HECW2: variants seen among roughly 807,000 people sequenced by gnomAD.
HECW2 encodes E3 ubiquitin-protein ligase HECW2.
In HECW2, 61 loss-of-function variants were observed where a neutral mutation model predicts 175.2. The observed-to-expected ratio is 0.35, with a 90% CI of 0.28 to 0.43. HECW2 has a LOEUF of 0.43. Among genes scored for constraint, HECW2 ranks in the 20% least tolerant of loss-of-function variants. The pLI is 1.00. For synonymous variants in HECW2, 671 were observed against 731.0 expected (o/e 0.92, Z 1.32); for missense variants, 1,524 against 2,000.5 (o/e 0.76, Z 4.54).
chr2:196,455,311 C>T (rs142602963), intron 1 of HECW2, among the ~76,000 whole-genome samples: 1,820 of 152,308 alleles, frequency 0.012, 40 homozygotes, highest in African/African-American at 0.041. Context: ...GGATTACAGG[C>T]GTAGGCCACA....
In HECW2 at chr2:196,300,356, A is replaced by T. The variant is rs114518344; in HGVS notation, c.2814+6132T>A. Among the ~76,000 whole-genome samples the T allele has an allele frequency of 5.1e-3, 772 of 152,376 alleles. 6 individuals are homozygous for T. The highest frequency in any genetic ancestry group is 0.018 in the African/African-American group (732 of 41,594). On this transcript the variant is annotated intron_variant, in intron 13 of 28. Transcript: ENST00000644978. ...TTTCTTTACTTAAGGTCCAGACTTA[A>T]GAAATTAATGGAGAAAATTAGAATG... is the stretch of plus-strand genomic sequence containing the variant.
At chr2:196,281,564 T>G (rs1215048288) in intron 14 of HECW2, among the ~76,000 whole-genome samples, 1 of 124,830 alleles carries the variant, frequency 8.0e-6, no homozygotes, top group African/African-American at 3.0e-5. Context: ...CATTTGAGCC[T>G]GGGAGGTGGT....
chr2:196,209,231 T>C (rs539380122), intron 28 of HECW2, among the ~76,000 whole-genome samples: 2 of 152,340 alleles, frequency 1.3e-5, no homozygotes, highest in Non-Finnish European at 2.9e-5. Context: ...GCAACAATGC[T>C]GATGGAATGC....
At chr2:196,580,202 A>T (rs995871687) in intron 1 of HECW2, among the ~76,000 whole-genome samples, 5 of 151,656 alleles carry the variant, frequency 3.3e-5, no homozygotes, top group African/African-American at 1.2e-4. Flanking sequence ...TGACAAAGCT[A>T]AAGGGAGAAA....
intron 13 of HECW2, among the ~76,000 whole-genome samples, chr2:196,294,331 C>A (rs1388520302): frequency 6.6e-6 from 1 of 152,142 alleles, no homozygotes; most frequent in Non-Finnish European, 1.5e-5. Context: ...TGAAACTGAC[C>A]AGGCCGTGAA....
chr2:196,432,049 T>C (rs1429218793), intron 2 of HECW2, among the ~76,000 whole-genome samples: 2 of 152,222 alleles, frequency 1.3e-5, no homozygotes, highest in African/African-American at 4.8e-5. Flanking sequence ...GCTAGATCAC[T>C]GTGGAGGGAG....
At chr2:196,210,413 T>G (rs1171779108) in intron 28 of HECW2, among the ~76,000 whole-genome samples, 1 of 152,024 alleles carries the variant, frequency 6.6e-6, no homozygotes, top group African/African-American at 2.4e-5. Context: ...TTGCTCAGGT[T>G]TGACTCAAAC....
At chr2:196,578,843 T>C (rs1690657777) in intron 1 of HECW2, among the ~76,000 whole-genome samples, 1 of 152,050 alleles carries the variant, frequency 6.6e-6, no homozygotes, top group African/African-American at 2.4e-5. Flanking sequence ...CTACAAGAAA[T>C]ACTAAAAGGA....
intron 2 of HECW2, among the ~76,000 whole-genome samples, chr2:196,425,202 C>T (rs1695509191): frequency 1.4e-5 from 2 of 140,654 alleles, no homozygotes; most frequent in East Asian, 4.2e-4. Flanking sequence ...TATTTTAAGG[C>T]CACTATTGAG....
intron 7 of HECW2, among the ~76,000 whole-genome samples, chr2:196,320,932 A>G (rs6736479): frequency 0.042 from 6,459 of 152,328 alleles, 492 homozygotes; most frequent in African/African-American, 0.15. Context: ...GCACTGTGCT[A>G]TGCCCTGAAG....
At chr2:196,591,187 T>C (rs1559192388) in intron 1 of HECW2, among the ~76,000 whole-genome samples, 1 of 152,186 alleles carries the variant, frequency 6.6e-6, no homozygotes, top group Non-Finnish European at 1.5e-5. Flanking sequence ...AATACCGTGA[T>C]AGAGGCGATG....
At chr2:196,339,384 T>C (rs55804674) in intron 3 of HECW2, among the ~76,000 whole-genome samples, 34,009 of 152,178 alleles carry the variant, frequency 0.22, 4,504 homozygotes, top group African/African-American at 0.37. Flanking sequence ...TTCCCAGGGC[T>C]GGGATGGGTA....
At chr2:196,496,170 T>A (rs1421116572) in intron 1 of HECW2, among the ~76,000 whole-genome samples, 4 of 152,118 alleles carry the variant, frequency 2.6e-5, no homozygotes, top group South Asian at 2.1e-4. Context: ...TGGCTGAAAC[T>A]CTACAGCTTA....
intron 2 of HECW2, among the ~76,000 whole-genome samples, chr2:196,401,170 T>C (rs1694807452): frequency 6.6e-6 from 1 of 152,060 alleles, no homozygotes; most frequent in Non-Finnish European, 1.5e-5. Flanking sequence ...TGTAGGGATG[T>C]TTACTGCAGC....
chr2:196,528,096 C>G (rs964329107), intron 1 of HECW2, among the ~76,000 whole-genome samples: 2 of 152,114 alleles, frequency 1.3e-5, no homozygotes, highest in Admixed American at 1.3e-4. Flanking sequence ...GAGGTGATAG[C>G]AACTGTAATG....
chr2:196,221,166 G>T (rs1687654580), intron 24 of HECW2, among the ~76,000 whole-genome samples: 1 of 151,908 alleles, frequency 6.6e-6, no homozygotes, highest in Admixed American at 6.6e-5. Flanking sequence ...GTATATATAT[G>T]TATTGCTGTT....
At chr2:196,253,576 T>C (rs181800185) in intron 19 of HECW2, among the ~76,000 whole-genome samples, 2 of 152,338 alleles carry the variant, frequency 1.3e-5, no homozygotes, top group Non-Finnish European at 2.9e-5. Context: ...GTAGAGACTT[T>C]ATCTTCATTG....
At chr2:196,433,798 C>T (rs897751049) in intron 1 of HECW2, among the ~76,000 whole-genome samples, 2 of 152,166 alleles carry the variant, frequency 1.3e-5, no homozygotes, top group Non-Finnish European at 2.9e-5. Flanking sequence ...GCATCCTCTT[C>T]TCGTTTTCCA....
At chr2:196,516,606 C>G (rs1043338675) in intron 1 of HECW2, among the ~76,000 whole-genome samples, 1 of 152,024 alleles carries the variant, frequency 6.6e-6, no homozygotes, top group Non-Finnish European at 1.5e-5. Flanking sequence ...CACAAGGTAT[C>G]GGGAATTAAA....
Sources: allele counts gnomAD v4.1 joint callset (sites outside exome capture counted in the v4.1 genomes callset), GRCh38; gene constraint gnomAD v4.1.1; transcripts MANE v1.5; gene names NCBI Gene and HGNC (gene_info 2026-07-23, HGNC 2026-07-21).